DMD: variants seen among roughly 807,000 people sequenced by gnomAD.
The protein encoded by DMD is dystrophin, also known as mutant dystrophin.
In DMD, 63 loss-of-function variants were observed where a neutral mutation model predicts 330.1. That is an observed-to-expected ratio of 0.19 (90% CI 0.16 to 0.24). The LOEUF (loss-of-function observed/expected upper bound fraction) is 0.24, where lower values mean the gene tolerates loss of function less well. Ranked by LOEUF, DMD falls within the 10% of genes least tolerant of loss-of-function variation. The pLI is 1.00. For synonymous variants in DMD, 1,223 were observed against 959.8 expected, an observed-to-expected ratio of 1.27 and a Z score of -5.07; for missense variants, 3,344 against 2,684.1, an observed-to-expected ratio of 1.25 and a Z score of -5.43.
intron 7 of DMD, among the ~76,000 whole-genome samples, chrX:32,727,692 A>C (rs1470369034): frequency 9.0e-6 from 1 of 110,895 alleles, no homozygotes; most frequent in Admixed American, 9.7e-5. Flanking sequence ...TTTGTTGATG[A>C]TTTTCTCTTA....
chrX:32,324,914 C>T (rs1028902867), intron 41 of DMD, among the ~76,000 whole-genome samples: 1 of 111,006 alleles, frequency 9.0e-6, no homozygotes, highest in Non-Finnish European at 1.9e-5. Context: ...ATTTGATAGG[C>T]CACCTTTTCT....
chrX:33,321,224 G>T (rs1450158700), intron 1 of DMD, among the ~76,000 whole-genome samples: 1 of 111,216 alleles, frequency 9.0e-6, no homozygotes, highest in Non-Finnish European at 1.9e-5. Flanking sequence ...ATATCCATCA[G>T]AAGATTTATT....
At chrX:32,810,636 CA>C (rs2077301778) in intron 6 of DMD, among the ~76,000 whole-genome samples, 2 of 112,069 alleles carry the variant, frequency 1.8e-5, no homozygotes, top group South Asian at 7.4e-4. Flanking sequence ...TCACTGCCAT[CA>C]CTCTAGTCCA....
At chrX:32,067,916 T>C (rs991733279) in intron 44 of DMD, among the ~76,000 whole-genome samples, 5 of 112,008 alleles carry the variant, frequency 4.5e-5, no homozygotes, top group African/African-American at 1.6e-4. Flanking sequence ...TTTTAAGTTC[T>C]TTGAGAAATG....
At chrX:32,259,883 T>C (rs1303891314) in intron 43 of DMD, among the ~76,000 whole-genome samples, 2 of 111,196 alleles carry the variant, frequency 1.8e-5, no homozygotes, top group African/African-American at 6.5e-5. Context: ...AATGCAATGT[T>C]CCAGATGTTC....
chrX:31,556,464 A>C (rs2074835688), intron 55 of DMD, among the ~76,000 whole-genome samples: 1 of 108,945 alleles, frequency 9.2e-6, no homozygotes, highest in Non-Finnish European at 1.9e-5. Context: ...GAATTTGCTT[A>C]ATCATTTGCT....
chrX:32,882,050 G>C (rs769872939), intron 2 of DMD, among the ~76,000 whole-genome samples: 1 of 111,820 alleles, frequency 8.9e-6, no homozygotes, highest in Non-Finnish European at 1.9e-5. Flanking sequence ...ATTCAATTTA[G>C]CTTGTGTTTT....
intron 55 of DMD, among the ~76,000 whole-genome samples, chrX:31,573,763 C>G (rs925912696): frequency 9.0e-6 from 1 of 110,921 alleles, no homozygotes; most frequent in Non-Finnish European, 1.9e-5. Flanking sequence ...AATGCACCAC[C>G]AGAAATAAGA....
At chrX:32,258,256 C>T (rs190474817) in intron 43 of DMD, among the ~76,000 whole-genome samples, 9 of 111,690 alleles carry the variant, frequency 8.1e-5, no homozygotes, top group East Asian at 2.8e-4. Flanking sequence ...GACAGTGTGG[C>T]GATTCCTCAA....
At chrX:31,700,534 A>C (rs2083737998) in intron 52 of DMD, among the ~76,000 whole-genome samples, 1 of 112,107 alleles carries the variant, frequency 8.9e-6, no homozygotes, top group African/African-American at 3.2e-5. Context: ...TGGTAATAAA[A>C]CATAGGGAAG....
rs768597652 is a variant in DMD at position 32,189,808 on chromosome X, A to G, written c.6438+27108T>C. Among the ~76,000 whole-genome samples, 4 of 111,082 alleles carry G rather than the reference A, an allele frequency of 3.6e-5. No individual in the cohort carries two copies. In the Admixed American group the frequency reaches 3.9e-4, roughly 11 times the overall value. On this transcript the variant is annotated intron_variant, in intron 44 of 78. Coordinates refer to ENST00000357033, the MANE Select transcript of DMD (RefSeq NM_004006.3). ...AAATTTTGACCCCAAAAGCCTAACT[A>G]TGAGTTCATAACTGTGCAGTAGAAC...
intron 44 of DMD, among the ~76,000 whole-genome samples, chrX:32,050,343 G>A (rs762131987): frequency 1.5e-4 from 17 of 111,286 alleles, no homozygotes; most frequent in Non-Finnish European, 3.0e-4. Context: ...CTTATGCCAA[G>A]TGGGAGAAGC....
intron 62 of DMD, chrX:31,266,980 G>A (rs1293824644): frequency 2.7e-5 from 25 of 937,185 alleles, no homozygotes; most frequent in Non-Finnish European, 1.3e-5. Flanking sequence ...GGCGGGCCGG[G>A]GAGGGGGCGC....
At chrX:31,301,787 T>C (rs765967340) in intron 62 of DMD, among the ~76,000 whole-genome samples, 23 of 111,998 alleles carry the variant, frequency 2.1e-4, no homozygotes, top group African/African-American at 7.5e-4. Flanking sequence ...TTGTTGTTGT[T>C]TTTCAGCCTT....
At chrX:32,057,009 G>C (rs928685003) in intron 44 of DMD, among the ~76,000 whole-genome samples, 1 of 111,032 alleles carries the variant, frequency 9.0e-6, no homozygotes, top group African/African-American at 3.3e-5. Flanking sequence ...ACAGAACAAA[G>C]GCTAAAAATC....
intron 1 of DMD, among the ~76,000 whole-genome samples, chrX:33,071,697 T>TA (rs1442412439): frequency 2.7e-5 from 3 of 111,532 alleles, no homozygotes; most frequent in Admixed American, 9.6e-5. Flanking sequence ...GCTTTTATCT[T>TA]AGACTCTAAT....
At chrX:31,579,605 AG>A (rs199907066) in intron 55 of DMD, among the ~76,000 whole-genome samples, 1 of 112,508 alleles carries the variant, frequency 8.9e-6, no homozygotes, top group Non-Finnish European at 1.9e-5. Flanking sequence ...ATCTGTATTA[AG>A]GAAAAAAACA....
At chrX:32,877,781 A>G (rs1040963040) in intron 2 of DMD, among the ~76,000 whole-genome samples, 2 of 111,901 alleles carry the variant, frequency 1.8e-5, no homozygotes, top group African/African-American at 6.5e-5. Context: ...TGACTACTGG[A>G]ATACAAAAGC....
intron 7 of DMD, among the ~76,000 whole-genome samples, chrX:32,782,443 G>A (rs1457337133): frequency 4.5e-5 from 5 of 111,833 alleles, no homozygotes; most frequent in Non-Finnish European, 9.4e-5. Flanking sequence ...CAGGGAGTTG[G>A]AACAGCAAGT....
Sources: allele counts gnomAD v4.1 joint callset (sites outside exome capture counted in the v4.1 genomes callset), GRCh38; gene constraint gnomAD v4.1.1; transcripts MANE v1.5; gene names NCBI Gene and HGNC (gene_info 2026-07-23, HGNC 2026-07-21).